Variants in AKR1C3 observed in about 807,000 individuals in gnomAD.
AKR1C3 encodes 3-alpha hydroxysteroid dehydrogenase, type II.
Under a neutral mutation model 43.6 loss-of-function variants are expected in AKR1C3, and 48 were observed. The observed-to-expected ratio is 1.10, with a 90% confidence interval of 0.87 to 1.40. The LOEUF is 1.40. Ranked by LOEUF, AKR1C3 falls within the 40% of genes most tolerant of loss-of-function variation. AKR1C3 has a pLI of 0.00. For synonymous variants in AKR1C3, 162 were observed against 139.6 expected (o/e 1.16, Z -1.13); for missense variants, 482 against 391.2 (o/e 1.23, Z -1.96).
intron 1 of AKR1C3, among the ~76,000 whole-genome samples, chr10:5,088,370 T>A (rs1483947779): frequency 6.6e-6 from 1 of 152,048 alleles, no homozygotes; most frequent in African/African-American, 2.4e-5. Context: ...CCAGAGAGTT[T>A]TTTTTTTGGC....
In AKR1C3 at chr10:5,055,608, C is replaced by T. The variant is rs189973582; in HGVS notation, c.84+6713C>T. Among the ~76,000 whole-genome samples, 23 of 152,344 alleles carry T rather than the reference C, an allele frequency of 1.5e-4. No homozygotes were observed. In the East Asian group the frequency reaches 1.9e-3, roughly 13 times the overall value. ...CTACATTAATTTCCTTACTTAGGTA[C>T]GCCACTGGTTGTGGGGTTGTCCCAC... is the stretch of plus-strand genomic sequence containing the variant. On this transcript the variant is annotated intron_variant, in intron 1 of 8. Coordinates refer to the AKR1C3 transcript ENST00000439082.
At chr10:5,075,677 C>T (rs919339552) in intron 1 of AKR1C3, among the ~76,000 whole-genome samples, 3 of 152,026 alleles carry the variant, frequency 2.0e-5, no homozygotes, top group Non-Finnish European at 4.4e-5. Flanking sequence ...GAGTTTGAGA[C>T]CAGCCTGACC....
intron 1 of AKR1C3, among the ~76,000 whole-genome samples, chr10:5,086,108 C>T (rs1345262960): frequency 1.1e-4 from 17 of 151,604 alleles, no homozygotes. Flanking sequence ...TATTTCTTGC[C>T]TTCTGCTAGC....
At chr10:5,059,612 T>A (rs1327491509) in intron 1 of AKR1C3, among the ~76,000 whole-genome samples, 2 of 152,184 alleles carry the variant, frequency 1.3e-5, no homozygotes, top group African/African-American at 4.8e-5. Flanking sequence ...CACCCGTGTC[T>A]TTAGTCCAGC....
intron 1 of AKR1C3, among the ~76,000 whole-genome samples, chr10:5,070,106 A>G (rs953775983): frequency 6.6e-6 from 1 of 152,226 alleles, no homozygotes; most frequent in African/African-American, 2.4e-5. Context: ...TCACATGGAC[A>G]CCCTTAGTTT....
intron 1 of AKR1C3, among the ~76,000 whole-genome samples, chr10:5,067,335 C>T (rs1838527996): frequency 6.6e-6 from 1 of 152,106 alleles, no homozygotes; most frequent in African/African-American, 2.4e-5. Context: ...TCAAGGATGC[C>T]ATCTTCATTT....
intron 1 of AKR1C3, among the ~76,000 whole-genome samples, chr10:5,059,734 C>A (rs144513599): frequency 2.2e-4 from 34 of 152,232 alleles, no homozygotes; most frequent in African/African-American, 7.9e-4. Flanking sequence ...GTACTCAGTG[C>A]TTGGCGATAG....
chr10:5,095,900 C>G (rs1382777601), intron 1 of AKR1C3, among the ~76,000 whole-genome samples: 1 of 151,958 alleles, frequency 6.6e-6, no homozygotes, highest in African/African-American at 2.4e-5. Flanking sequence ...CCAAGTGAAC[C>G]CTAGTTGGGT....
intron 1 of AKR1C3, among the ~76,000 whole-genome samples, chr10:5,095,482 TAAAAAAAAAA>T (rs567532151): frequency 7.3e-6 from 1 of 137,912 alleles, no homozygotes; most frequent in Non-Finnish European, 1.6e-5. Context: ...AAAAAAGATT[TAAAAAAAAAA>T]AAAAAGACTG....
intron 1 of AKR1C3, chr10:5,078,065 A>G: frequency 1.6e-6 from 1 of 631,794 alleles, no homozygotes; most frequent in East Asian, 2.9e-5. Flanking sequence ...TACCATTACA[A>G]AAACAGAAAG....
chr10:5,098,926 A>G (rs782795376), intron 4 of AKR1C3, 47 bp downstream of exon 4: 1 of 1,485,648 alleles, frequency 6.7e-7, no homozygotes, highest in Non-Finnish European at 9.3e-7. Context: ...CAAAAAGAGA[A>G]AATCTGTTTC....
chr10:5,076,568 C>T (rs1335583479), intron 1 of AKR1C3, among the ~76,000 whole-genome samples: 1 of 152,162 alleles, frequency 6.6e-6, no homozygotes, highest in Non-Finnish European at 1.5e-5. Context: ...GATCCGGCTT[C>T]ATCTACATTT....
At chr10:5,062,139 T>C (rs1838395264) in intron 1 of AKR1C3, among the ~76,000 whole-genome samples, 1 of 152,196 alleles carries the variant, frequency 6.6e-6, no homozygotes, top group South Asian at 2.1e-4. Flanking sequence ...ACTTGGGATA[T>C]CCTGGTGAAA....
At chr10:5,098,503 C>T (rs1193959088) in intron 3 of AKR1C3, among the ~76,000 whole-genome samples, 1 of 152,144 alleles carries the variant, frequency 6.6e-6, no homozygotes, top group African/African-American at 2.4e-5. Flanking sequence ...AAGAGAGGTA[C>T]TTCAATAGAG....
chr10:5,105,543 G>A, intron 7 of AKR1C3, 52 bp from the exon 8 acceptor site: 2 of 1,346,858 alleles, frequency 1.5e-6, no homozygotes, highest in Non-Finnish European at 2.1e-6. Context: ...AATATACTTG[G>A]GGATTCACAA....
chr10:5,082,945 T>G lies in AKR1C3; in HGVS notation c.85-13465T>G, dbSNP rs183596265. The stretch of plus-strand genomic sequence containing the variant: ...CCACGCTATTTTTCACTAGAAAATT[T>G]TTAATTACTGATTTGATTTAATTAC... On this transcript the variant is annotated intron_variant, in intron 1 of 8. Transcript: ENST00000439082. 1.1e-4 allele frequency among the ~76,000 whole-genome samples: 16 copies of G among 152,314 alleles called. No individual in the cohort carries two copies. In the East Asian group the frequency reaches 3.1e-3, roughly 29 times the overall value.
At chr10:5,092,157 G>C (rs1323936013), upstream of AKR1C3, among the ~76,000 whole-genome samples, 1 of 151,952 alleles carries the variant, frequency 6.6e-6, no homozygotes, top group African/African-American at 2.4e-5. Flanking sequence ...TGATCATCTT[G>C]AACAGAATTT....
At chr10:5,054,397 C>G (rs1047912170) in intron 1 of AKR1C3, among the ~76,000 whole-genome samples, 1 of 152,118 alleles carries the variant, frequency 6.6e-6, no homozygotes, top group Non-Finnish European at 1.5e-5. Context: ...TCTGCACTGA[C>G]GGACTTGAGC....
chr10:5,066,823 C>G lies in AKR1C3; in HGVS notation c.84+17928C>G, dbSNP rs910333409. Among the ~76,000 whole-genome samples, 64 of 152,204 alleles carry G rather than the reference C, an allele frequency of 4.2e-4. 1 individual carries two copies. Among genetic ancestry groups the G allele is most frequent in the Non-Finnish European group, 7.4e-5 (5 of 68,026 alleles). On this transcript the variant is annotated intron_variant, in intron 1 of 8. Transcript: ENST00000439082. The stretch of plus-strand genomic sequence containing the variant: ...TTCTGTTCATCCAACTCTATTATAA[C>G]TTTCACAAAAGAATTTAAAGTCTGT...
Sources: gnomAD v4.1 joint callset for allele counts (sites outside exome capture counted in the v4.1 genomes callset) on GRCh38, gnomAD v4.1.1 for gene constraint, MANE v1.5 for transcripts, NCBI Gene and HGNC (gene_info 2026-07-23, HGNC 2026-07-21) for gene names.